Variants in PDZRN3 observed in about 807,000 individuals in gnomAD.
The protein encoded by PDZRN3 is PDZ domain containing ring finger 3, also known as E3 ubiquitin-protein ligase PDZRN3.
Under a neutral mutation model 85.7 loss-of-function variants are expected in PDZRN3, and 38 were observed. The observed-to-expected ratio is 0.44, with a 90% CI of 0.34 to 0.58. PDZRN3 has a LOEUF of 0.58. Among genes scored for constraint, PDZRN3 ranks in the 20% least tolerant of loss-of-function variants. The pLI, the probability that PDZRN3 is intolerant of heterozygous loss-of-function variation, is 0.01. For synonymous variants in PDZRN3, 759 were observed against 638.0 expected (o/e 1.19, Z -2.86); for missense variants, 1,629 against 1,506.4 (o/e 1.08, Z -1.35).
intron 3 of PDZRN3, among the ~76,000 whole-genome samples, chr3:73,520,684 G>A (rs1482554460): frequency 1.3e-5 from 2 of 152,064 alleles, no homozygotes; most frequent in Admixed American, 6.6e-5. Context: ...CATTACATGC[G>A]TGTCTGTACA....
chr3:73,503,386 C>T (rs563461101), intron 3 of PDZRN3, among the ~76,000 whole-genome samples: 1 of 152,228 alleles, frequency 6.6e-6, no homozygotes, highest in Admixed American at 6.5e-5. Flanking sequence ...GAATGCATAA[C>T]CAAAGTCTAG....
intron 3 of PDZRN3, among the ~76,000 whole-genome samples, chr3:73,555,958 G>A (rs34642119): frequency 1.3e-5 from 2 of 152,176 alleles, no homozygotes; most frequent in African/African-American, 4.8e-5. Context: ...AATCACTGAA[G>A]AGGGTGATTC....
intron 3 of PDZRN3, among the ~76,000 whole-genome samples, chr3:73,519,989 C>T (rs1704326058): frequency 1.3e-5 from 2 of 152,054 alleles, no homozygotes; most frequent in Admixed American, 1.3e-4. Context: ...GAATGGCGTT[C>T]CTTGGGGGTG....
chr3:73,399,693 G>A (rs781580423), intron 5 of PDZRN3, among the ~76,000 whole-genome samples: 10 of 152,236 alleles, frequency 6.6e-5, no homozygotes, highest in Non-Finnish European at 1.5e-4. Context: ...AATGGCAAGC[G>A]CTTTGGTAAG....
chr3:73,534,976 T>C (rs951449607), intron 3 of PDZRN3, among the ~76,000 whole-genome samples: 6 of 152,096 alleles, frequency 3.9e-5, no homozygotes, highest in East Asian at 1.9e-4. Flanking sequence ...GATACTTCCC[T>C]GCCCTGGTGA....
In PDZRN3 at chr3:73,617,151, T is replaced by C. The variant is rs569239643; in HGVS notation, c.723+6952A>G. On this transcript the variant is annotated intron_variant, in intron 1 of 9. Coordinates refer to ENST00000263666, the MANE Select transcript of PDZRN3 (RefSeq NM_015009.3). ...GGACTCTTCTCTGCACACACACTGC[T>C]GATGCCAGGGGAAAAGCTCATCACT... is the stretch of plus-strand genomic sequence containing the variant. Among the ~76,000 whole-genome samples, 43 of 152,322 alleles carry C rather than the reference T, an allele frequency of 2.8e-4. No individual in the cohort carries two copies. In the South Asian group the frequency reaches 8.9e-3, roughly 32 times the overall value.
At chr3:73,412,208 T>G (rs1701987804) in intron 3 of PDZRN3, among the ~76,000 whole-genome samples, 1 of 152,234 alleles carries the variant, frequency 6.6e-6, no homozygotes, top group Admixed American at 6.5e-5. Context: ...GGTTAGGTTT[T>G]TGCAAGCGTC....
At chr3:73,557,769 T>C (rs1701733000) in intron 3 of PDZRN3, among the ~76,000 whole-genome samples, 2 of 152,224 alleles carry the variant, frequency 1.3e-5, no homozygotes, top group Non-Finnish European at 2.9e-5. Flanking sequence ...TCAAAAGGTA[T>C]GCAATTTAAT....
At chr3:73,510,730 C>T (rs1027979731) in intron 3 of PDZRN3, among the ~76,000 whole-genome samples, 31 of 152,160 alleles carry the variant, frequency 2.0e-4, no homozygotes, top group African/African-American at 7.0e-4. Flanking sequence ...CCTGAAACCA[C>T]AGATGGTACC....
At chr3:73,440,894 C>G (rs1235477611) in intron 3 of PDZRN3, among the ~76,000 whole-genome samples, 1 of 152,132 alleles carries the variant, frequency 6.6e-6, no homozygotes, top group African/African-American at 2.4e-5. Context: ...GGGGACGGTT[C>G]CTGAAAAGAG....
chr3:73,415,694 A>G (rs1050736630), intron 3 of PDZRN3, among the ~76,000 whole-genome samples: 1 of 152,186 alleles, frequency 6.6e-6, no homozygotes, highest in African/African-American at 2.4e-5. Flanking sequence ...GCAGCTGATG[A>G]AAGTGTTCTG....
chr3:73,415,352 G>T (rs1384362779), intron 3 of PDZRN3, among the ~76,000 whole-genome samples: 1 of 152,238 alleles, frequency 6.6e-6, no homozygotes. Context: ...CGTGAGTGGG[G>T]TGCAGACTAT....
intron 3 of PDZRN3, among the ~76,000 whole-genome samples, chr3:73,425,603 A>AG (rs955642197): frequency 6.6e-6 from 1 of 150,818 alleles, no homozygotes; most frequent in Non-Finnish European, 1.5e-5. Flanking sequence ...ATAAGAAGAA[A>AG]AAAAAAAAAA....
At chr3:73,416,865 G>GT (rs1231380594) in intron 3 of PDZRN3, among the ~76,000 whole-genome samples, 1,278 of 82,972 alleles carry the variant, frequency 0.015, 26 homozygotes, top group African/African-American at 0.05. Context: ...TTTTTTGTTT[G>GT]TTTTTTTTTG....
At chr3:73,525,964 G>A (rs557805005) in intron 3 of PDZRN3, among the ~76,000 whole-genome samples, 3 of 152,336 alleles carry the variant, frequency 2.0e-5, no homozygotes, top group Admixed American at 2.0e-4. Flanking sequence ...TGTGTCAGTA[G>A]ATGGAGCCAC....
At chr3:73,415,536 T>G (rs1375949906) in intron 3 of PDZRN3, among the ~76,000 whole-genome samples, 1 of 152,244 alleles carries the variant, frequency 6.6e-6, no homozygotes, top group East Asian at 1.9e-4. Context: ...CTTATGATCT[T>G]TCACTTTTAC....
intron 4 of PDZRN3, among the ~76,000 whole-genome samples, chr3:73,402,736 C>G (rs1701773781): frequency 6.6e-6 from 1 of 152,126 alleles, no homozygotes; most frequent in South Asian, 2.1e-4. Context: ...GAAACATGTG[C>G]TCACTCCAGC....
chr3:73,388,225 G>A, intron 7 of PDZRN3, 156 bp from the exon 8 acceptor site: 1 of 533,222 alleles, frequency 1.9e-6, no homozygotes, highest in Non-Finnish European at 3.3e-6. Context: ...ACTGATGTTA[G>A]GAAGGAAAGG....
chr3:73,617,889 A>T (rs1702789143), intron 1 of PDZRN3, among the ~76,000 whole-genome samples: 1 of 152,204 alleles, frequency 6.6e-6, no homozygotes, highest in Non-Finnish European at 1.5e-5. Flanking sequence ...TATTTTTAGC[A>T]GAGACTGGGT....
Sources: allele counts gnomAD v4.1 joint callset (sites outside exome capture counted in the v4.1 genomes callset), GRCh38; gene constraint gnomAD v4.1.1; transcripts MANE v1.5; gene names NCBI Gene and HGNC (gene_info 2026-07-23, HGNC 2026-07-21).